HS2ST1: variants seen among roughly 807,000 people sequenced by gnomAD.
HS2ST1 encodes 2-O-sulfotransferase.
HS2ST1 carries 18 observed loss-of-function variants against 42.9 expected under a neutral mutation model. The observed-to-expected ratio is 0.42, with a 90% CI of 0.29 to 0.62. The LOEUF (loss-of-function observed/expected upper bound fraction) is 0.62. HS2ST1 is among the 20% of genes least tolerant of loss of function. The probability of loss-of-function intolerance (pLI) is 0.21; values close to 1 mark genes in which losing one functional copy is unlikely to be tolerated. For synonymous variants in HS2ST1, 146 were observed against 152.9 expected (o/e 0.95, Z 0.33); for missense variants, 334 against 433.8 (o/e 0.77, Z 2.04).
intron 1 of HS2ST1, among the ~76,000 whole-genome samples, chr1:86,985,170 A>G (rs1267150412): frequency 6.7e-6 from 1 of 150,042 alleles, no homozygotes; most frequent in East Asian, 2.0e-4. Context: ...CCTGGCTAAC[A>G]CGGTGAAACC....
At position 87,049,447 on chromosome 1, in the gene HS2ST1, A is replaced by G. The variant is rs188842932; in HGVS notation, c.125-23487A>G. On this transcript the variant is annotated intron_variant, in intron 1 of 6. Coordinates refer to ENST00000370550, the MANE Select transcript of HS2ST1 (RefSeq NM_012262.4). Reference sequence around the variant, plus strand: ...TTTCCCTAAAAGCACTGCTTCAGTTACATCTTACAATTTTGATGTTTTTGT... The same window carrying G: ...TTTCCCTAAAAGCACTGCTTCAGTTGCATCTTACAATTTTGATGTTTTTGT... Among the ~76,000 whole-genome samples, 6 of 152,184 alleles carry G rather than the reference A, an allele frequency of 3.9e-5. No homozygotes were observed. The East Asian group carries it at 1.2e-3, about 29-fold the overall frequency.
At chr1:87,018,992 G>A (rs754821097) in intron 1 of HS2ST1, among the ~76,000 whole-genome samples, 1 of 152,154 alleles carries the variant, frequency 6.6e-6, no homozygotes, top group East Asian at 1.9e-4. Flanking sequence ...TCTTTAGATA[G>A]GCATTCTTGA....
At chr1:86,963,205 A>C (rs1361720768) in intron 1 of HS2ST1, among the ~76,000 whole-genome samples, 4 of 148,446 alleles carry the variant, frequency 2.7e-5, no homozygotes, top group Admixed American at 2.0e-4. Flanking sequence ...TGTTTCTCGC[A>C]TAGGGGGATT....
chr1:86,915,000 C>T lies in HS2ST1; in HGVS notation c.-37C>T. On this transcript the variant is annotated 5_prime_UTR_variant, in exon 1 of 7. Coordinates refer to ENST00000370550, the MANE Select transcript of HS2ST1 (RefSeq NM_012262.4). ...TCGCCTCCGGGGTCCCGCTCCCCGC[C>T]CCCCGCGGTATGTCTTGATCCCGAG... is the stretch of plus-strand genomic sequence containing the variant. The T allele has an allele frequency of 6.2e-7, 1 of 1,612,810 alleles. No individual in the cohort carries two copies. The highest frequency in any genetic ancestry group is 1.1e-5 in the South Asian group (1 of 91,032).
At chr1:86,960,133 G>C (rs977384736) in intron 1 of HS2ST1, among the ~76,000 whole-genome samples, 5 of 150,364 alleles carry the variant, frequency 3.3e-5, no homozygotes, top group Admixed American at 6.7e-5. Flanking sequence ...ATAGTAAATT[G>C]ATCCTTGACA....
intron 1 of HS2ST1, among the ~76,000 whole-genome samples, chr1:86,969,060 T>C (rs776140115): frequency 3.6e-4 from 55 of 152,356 alleles, no homozygotes; most frequent in Non-Finnish European, 7.4e-4. Flanking sequence ...TCTTGACATA[T>C]ATGCATGTCA....
chr1:86,994,423 C>G (rs1649038024), intron 1 of HS2ST1, among the ~76,000 whole-genome samples: 1 of 152,104 alleles, frequency 6.6e-6, no homozygotes, highest in African/African-American at 2.4e-5. Context: ...AATTCCTTGG[C>G]TTTGTTACAG....
chr1:86,975,786 A>G (rs1054550773), intron 1 of HS2ST1, among the ~76,000 whole-genome samples: 2 of 152,220 alleles, frequency 1.3e-5, no homozygotes, highest in African/African-American at 4.8e-5. Flanking sequence ...AGCATTATCA[A>G]TGGAAAAGTT....
At chr1:87,039,148 G>A (rs1174079455) in intron 1 of HS2ST1, among the ~76,000 whole-genome samples, 1 of 152,066 alleles carries the variant, frequency 6.6e-6, no homozygotes, top group Non-Finnish European at 1.5e-5. Flanking sequence ...TTTCAAAATG[G>A]CAGTTCATGA....
chr1:87,046,224 C>A (rs187079347), intron 1 of HS2ST1: 2 of 870,606 alleles, frequency 2.3e-6, no homozygotes, highest in East Asian at 2.9e-5. Context: ...GTATCTTGGA[C>A]AAGTAACTAC....
At chr1:86,959,705 G>A (rs1295143968) in intron 1 of HS2ST1, among the ~76,000 whole-genome samples, 1 of 151,232 alleles carries the variant, frequency 6.6e-6, no homozygotes, top group African/African-American at 2.4e-5. Context: ...ATTTATATTA[G>A]CACAAAAAAA....
Position 87,092,612 on chromosome 1 carries a change from G to A in HS2ST1, c.531G>A (p.Leu177=). 1 of 1,590,994 alleles carries A rather than the reference G, an allele frequency of 6.3e-7. No individual in the cohort carries two copies. Among genetic ancestry groups the A allele is most frequent in the Non-Finnish European group, 8.6e-7 (1 of 1,168,502 alleles). The change falls in exon 4 of 7, where the codon CTG becomes CTA. Residue 177 remains leucine (L), a synonymous_variant. Transcript: ENST00000370550. ...IERLVSYYYF[L]RFGDDYRPGL... ...GGCTAGTTTCTTATTATTACTTTCT[G>A]AGATTTGGAGATGATTATAGACCAG...
chr1:86,941,006 T>C (rs991302024), intron 1 of HS2ST1, among the ~76,000 whole-genome samples: 1 of 151,908 alleles, frequency 6.6e-6, no homozygotes. Flanking sequence ...AAAAACACAT[T>C]GGGAAGTAGA....
At chr1:87,076,574 G>A (rs1651549521) in intron 2 of HS2ST1, among the ~76,000 whole-genome samples, 1 of 152,010 alleles carries the variant, frequency 6.6e-6, no homozygotes, top group Non-Finnish European at 1.5e-5. Context: ...GAGAATATAA[G>A]GTATGAGAAA....
chr1:86,948,453 A>G (rs940545527), intron 1 of HS2ST1, among the ~76,000 whole-genome samples: 3 of 152,182 alleles, frequency 2.0e-5, no homozygotes, highest in African/African-American at 7.2e-5. Flanking sequence ...GCGCCTGCCA[A>G]GTTTGCTGTT....
At position 86,930,133 on chromosome 1, in the gene HS2ST1, A is replaced by AT. The variant is rs571910561; in HGVS notation, c.124+14974dup. 6.9e-4 allele frequency among the ~76,000 whole-genome samples: 105 copies of AT among 151,980 alleles called. 1 individual carries two copies. The highest frequency in any genetic ancestry group is 2.4e-3 in the African/African-American group (98 of 41,546). ...TTGCTGCTACTTTTTTTCAGGAATT[A>AT]TAGCATTATTCTTAAGTACAGGTCA... On this transcript the variant is annotated intron_variant, in intron 1 of 6. Transcript: ENST00000370550.
intron 1 of HS2ST1, among the ~76,000 whole-genome samples, chr1:86,989,930 T>C (rs576566780): frequency 1.3e-5 from 2 of 152,220 alleles, no homozygotes; most frequent in South Asian, 4.2e-4. Context: ...TAATATTCCA[T>C]GGTGTATGTG....
intron 1 of HS2ST1, among the ~76,000 whole-genome samples, chr1:86,998,958 G>A (rs1649189133): frequency 6.6e-6 from 1 of 152,046 alleles, no homozygotes; most frequent in Non-Finnish European, 1.5e-5. Flanking sequence ...AAGCTCAGGT[G>A]ATTCATATAC....
At chr1:87,084,340 A>G in intron 3 of HS2ST1, 61 bp downstream of exon 3, 1 of 896,562 alleles carries the variant, frequency 1.1e-6, no homozygotes, top group South Asian at 1.6e-5. Flanking sequence ...CTAAAAAGGA[A>G]TAAATTCATT....
Sources: allele counts gnomAD v4.1 joint callset (sites outside exome capture counted in the v4.1 genomes callset), GRCh38; gene constraint gnomAD v4.1.1; transcripts MANE v1.5; gene names NCBI Gene and HGNC (gene_info 2026-07-23, HGNC 2026-07-21).